The following PDPN variants were observed in gnomAD, a reference collection of about 807,000 sequenced individuals.
PDPN encodes podoplanin.
Under a neutral mutation model 23.2 loss-of-function variants are expected in PDPN, and 12 were observed. That is an observed-to-expected ratio of 0.52 (90% CI 0.33 to 0.84). The LOEUF (loss-of-function observed/expected upper bound fraction) is 0.84. PDPN is among the 40% of genes least tolerant of loss of function. The pLI, the probability that PDPN is intolerant of heterozygous loss-of-function variation, is 0.02. For missense variants in PDPN, 199 were observed against 212.2 expected (o/e 0.94, Z 0.39); for synonymous variants, 77 against 76.7 (o/e 1.00, Z -0.02).
rs1018267346 is a variant in PDPN, at chr1:13,617,810, C to G, written c.*1899C>G. 2.0e-5 allele frequency: 3 copies of G among 152,042 alleles called. No individual in the cohort carries two copies. Among genetic ancestry groups the G allele is most frequent in the African/African-American group, 7.3e-5 (3 of 41,312 alleles). The allele number at this position is 152,042 out of a possible 1,614,324, so 9.4% of individuals were successfully genotyped here. A position where few individuals can be genotyped will look rare whatever the true frequency, so the allele number is the denominator to read the frequency against. ...TTTTCTTTCCTATCCTTTCTTCCCC[C>G]CTCACTGTGAAAAATAACAGTCCAC... On this transcript the variant is annotated 3_prime_UTR_variant, in exon 6 of 6. Transcript: ENST00000621990.
intron 5 of PDPN, among the ~76,000 whole-genome samples, chr1:13,615,136 G>T (rs67913176): frequency 1.3e-5 from 2 of 152,056 alleles, no homozygotes; most frequent in East Asian, 1.9e-4. Flanking sequence ...GAGATCTTCC[G>T]CTCTTGCCCT....
intron 3 of PDPN, among the ~76,000 whole-genome samples, chr1:13,611,307 C>T (rs532135536): frequency 5.9e-5 from 9 of 151,666 alleles, no homozygotes; most frequent in Admixed American, 3.3e-4. Flanking sequence ...GCATTATTCA[C>T]AATAGCTAAA....
intron 1 of PDPN, among the ~76,000 whole-genome samples, chr1:13,598,591 C>T (rs1640557239): frequency 6.6e-6 from 1 of 152,134 alleles, no homozygotes; most frequent in Admixed American, 6.6e-5. Context: ...CCTGGCTTCC[C>T]TTCACACGCC....
intron 1 of PDPN, among the ~76,000 whole-genome samples, chr1:13,591,090 T>G (rs1324132674): frequency 6.6e-6 from 1 of 152,046 alleles, no homozygotes; most frequent in Admixed American, 6.6e-5. Context: ...TACAGGCACG[T>G]GCCACCACGC....
chr1:13,607,327 G>A, intron 2 of PDPN, 21 bp downstream of exon 2: 1 of 1,606,884 alleles, frequency 6.2e-7, no homozygotes, highest in Non-Finnish European at 8.5e-7. Context: ...TGGGAAGAGA[G>A]GAATTTTTTC....
chr1:13,599,373 CTTTTTTTTTTTTT>C (rs70984267), intron 1 of PDPN, among the ~76,000 whole-genome samples: 15 of 77,104 alleles, frequency 1.9e-4, no homozygotes, highest in African/African-American at 6.3e-4. Flanking sequence ...GAGAAGCTAT[CTTTTTTTTTTTTT>C]TTTTTTTTTT....
Position 13,607,281 on chromosome 1 carries a change from G to T in PDPN, c.176G>T (p.Arg59Leu). 6.2e-7 allele frequency: 1 copy of T among 1,614,036 alleles called. No individual in the cohort carries two copies. The highest frequency in any genetic ancestry group is 8.5e-7 in the Non-Finnish European group (1 of 1,179,950). Residue 59 changes from arginine (R) to leucine (L), a missense_variant, in exon 2 of 6, where the codon CGC becomes CTC. Coordinates refer to ENST00000621990, the MANE Select transcript of PDPN (RefSeq NM_006474.5). ...GTGACTCCAGGAACCAGCGAAGACCGCTATAAGTCTGGCTTGACAACTCTG... is the reference window on the plus strand; with the variant it reads ...GTGACTCCAGGAACCAGCGAAGACCTCTATAAGTCTGGCTTGACAACTCTG... ...DVVTPGTSED[R>L]YKSGLTTLVA...
rs1312721273 is a variant in PDPN, at chr1:13,584,024, A to C, written c.-10A>C. ...TCGGCCCCCAGGAGAGCAACAACTCAACGGGAACGATGTGGAAGGTGTCAG... is the reference window on the plus strand; with the variant it reads ...TCGGCCCCCAGGAGAGCAACAACTCCACGGGAACGATGTGGAAGGTGTCAG... On this transcript the variant is annotated 5_prime_UTR_variant, in exon 1 of 6. Transcript: ENST00000621990. 25 of 1,613,338 alleles carry C rather than the reference A, an allele frequency of 1.5e-5. No individual in the cohort carries two copies. The highest frequency in any genetic ancestry group is 2.1e-5 in the Non-Finnish European group (25 of 1,180,008).
chr1:13,613,592 T>C (rs1640989556), intron 3 of PDPN, 95 bp from the exon 4 acceptor site: 1 of 717,222 alleles, frequency 1.4e-6, no homozygotes, highest in African/African-American at 1.8e-5. Flanking sequence ...TATGTTTTGC[T>C]GCTTTCCACT....
intron 1 of PDPN, among the ~76,000 whole-genome samples, chr1:13,606,201 G>A (rs1640786277): frequency 6.6e-6 from 1 of 151,926 alleles, no homozygotes; most frequent in South Asian, 2.1e-4. Context: ...TGTTGGCCAG[G>A]CTGGTCTCAA....
At chr1:13,608,069 C>T (rs1479283836) in intron 2 of PDPN, among the ~76,000 whole-genome samples, 1 of 152,166 alleles carries the variant, frequency 6.6e-6, no homozygotes, top group African/African-American at 2.4e-5. Context: ...CGCACCACTG[C>T]ACTCCAGCCT....
intron 4 of PDPN, 92 bp downstream of exon 4, chr1:13,613,817 G>A (rs1640996105): frequency 1.4e-6 from 1 of 699,464 alleles, no homozygotes; most frequent in Non-Finnish European, 2.6e-6. Flanking sequence ...GTTCTTTTCT[G>A]GATTGCAGTC....
At chr1:13,598,787 C>T (rs1022789481) in intron 1 of PDPN, among the ~76,000 whole-genome samples, 3 of 152,142 alleles carry the variant, frequency 2.0e-5, no homozygotes, top group African/African-American at 7.2e-5. Flanking sequence ...CTATCTGGAA[C>T]TCACCCATTC....
At chr1:13,611,747 C>T (rs1303070010) in intron 3 of PDPN, among the ~76,000 whole-genome samples, 1 of 152,024 alleles carries the variant, frequency 6.6e-6, no homozygotes, top group Non-Finnish European at 1.5e-5. Flanking sequence ...GTATGTTTTA[C>T]CACAGTGTTG....
chr1:13,597,908 G>A (rs1173884854), intron 1 of PDPN, among the ~76,000 whole-genome samples: 2 of 152,070 alleles, frequency 1.3e-5, no homozygotes, highest in African/African-American at 4.8e-5. Flanking sequence ...CTGGAAAATC[G>A]AGGCTGCAGT....
In PDPN at chr1:13,585,654, TG is replaced by T. The variant is rs765379884; in HGVS notation, c.67+1556del. The stretch of plus-strand genomic sequence containing the variant: ...GAATGTCAAAGGTACTCCTAAAAGA[TG>T]GCGTTAAAACCGAAAAACCATCGTT... On this transcript the variant is annotated intron_variant, in intron 1 of 5. Transcript: ENST00000621990. The T allele has an allele frequency of 3.7e-6, 5 of 1,351,612 alleles. No homozygotes were observed. In the South Asian group the frequency reaches 5.7e-5, roughly 15 times the overall value. 83.7% of individuals were successfully genotyped at this position (1,351,612 alleles called of 1,614,324 possible).
intron 3 of PDPN, among the ~76,000 whole-genome samples, chr1:13,612,988 A>G (rs1640973789): frequency 7.2e-6 from 1 of 139,586 alleles, no homozygotes; most frequent in African/African-American, 2.4e-5. Context: ...CAAGAAGAAA[A>G]GACATTTTTA....
At chr1:13,612,107 T>TA (rs1486037219) in intron 3 of PDPN, among the ~76,000 whole-genome samples, 1 of 100,752 alleles carries the variant, frequency 9.9e-6, no homozygotes, top group African/African-American at 3.6e-5. Flanking sequence ...TGTCACAAAA[T>TA]TGCCCCTTCC....
chr1:13,583,778 C>T (rs972466333), upstream of PDPN: 2 of 1,512,378 alleles, frequency 1.3e-6, no homozygotes, highest in South Asian at 1.3e-5. Flanking sequence ...CGGCCGACCC[C>T]GCTCCCCCGC....
Sources: gnomAD v4.1 joint callset for allele counts (sites outside exome capture counted in the v4.1 genomes callset) on GRCh38, gnomAD v4.1.1 for gene constraint, MANE v1.5 for transcripts, NCBI Gene and HGNC (gene_info 2026-07-23, HGNC 2026-07-21) for gene names.